Variants in LRRC4C observed in about 807,000 individuals in gnomAD.
LRRC4C encodes leucine-rich repeat-containing protein 4C.
In LRRC4C, 5 loss-of-function variants were observed where a neutral mutation model predicts 33.6. The observed-to-expected ratio is 0.15, with a 90% confidence interval of 0.08 to 0.31. The LOEUF is 0.31. Ranked by LOEUF, LRRC4C falls within the 10% of genes least tolerant of loss-of-function variation. The pLI is 1.00. For synonymous variants in LRRC4C, 329 were observed against 302.0 expected (o/e 1.09, Z -0.93); for missense variants, 560 against 796.7 (o/e 0.70, Z 3.58).
chr11:41,322,489 C>T (rs1305920966), intron 1 of LRRC4C, among the ~76,000 whole-genome samples: 1 of 151,906 alleles, frequency 6.6e-6, no homozygotes, highest in African/African-American at 2.4e-5. Flanking sequence ...AATAGTTTCC[C>T]TGTGGAGAAA....
At chr11:40,735,572 G>T (rs1489890101) in intron 2 of LRRC4C, among the ~76,000 whole-genome samples, 1 of 140,150 alleles carries the variant, frequency 7.1e-6, no homozygotes, top group East Asian at 2.0e-4. Context: ...TGGACATTTG[G>T]CTTGGTTCCA....
At chr11:41,438,144 GA>G (rs539412296) in intron 1 of LRRC4C, among the ~76,000 whole-genome samples, 2 of 151,836 alleles carry the variant, frequency 1.3e-5, no homozygotes, top group African/African-American at 4.8e-5. Flanking sequence ...AATGGATGAA[GA>G]AAAAAAGAGA....
intron 1 of LRRC4C, among the ~76,000 whole-genome samples, chr11:41,138,963 G>A (rs1016134072): frequency 6.6e-6 from 1 of 152,096 alleles, no homozygotes; most frequent in African/African-American, 2.4e-5. Context: ...TAAAAGCCAT[G>A]TTATGTGTAA....
intron 5 of LRRC4C, among the ~76,000 whole-genome samples, chr11:40,203,443 C>T (rs1170207236): frequency 6.6e-6 from 1 of 152,110 alleles, no homozygotes; most frequent in Non-Finnish European, 1.5e-5. Flanking sequence ...ACCTTTCTTC[C>T]ATTCAAATGC....
At chr11:41,454,669 GAAAAGGGTACTTAGGC>G (rs2138675300) in intron 1 of LRRC4C, among the ~76,000 whole-genome samples, 1 of 152,258 alleles carries the variant, frequency 6.6e-6, no homozygotes, top group South Asian at 2.1e-4. Context: ...AATGACATCT[GAAAAGGGTACTTAGGC>G]TGCTCCAGAA....
chr11:41,278,595 TG>T (rs1234173050), intron 1 of LRRC4C, among the ~76,000 whole-genome samples: 1 of 152,248 alleles, frequency 6.6e-6, no homozygotes, highest in African/African-American at 2.4e-5. Flanking sequence ...GACAGATTGC[TG>T]GGCCTCGCCC....
intron 1 of LRRC4C, among the ~76,000 whole-genome samples, chr11:40,975,656 G>T (rs1288015521): frequency 6.6e-6 from 1 of 152,122 alleles, no homozygotes; most frequent in African/African-American, 2.4e-5. Context: ...TTTTTAATCT[G>T]TTCACAGAGG....
intron 1 of LRRC4C, among the ~76,000 whole-genome samples, chr11:40,964,762 G>A (rs201387726): frequency 0.25 from 38,046 of 150,046 alleles, 4,443 homozygotes; most frequent in Middle Eastern, 0.31. Flanking sequence ...TCTTAATCCA[G>A]TCTATCATTG....
chr11:40,158,802 T>C (rs375789893), intron 5 of LRRC4C, among the ~76,000 whole-genome samples: 30 of 152,292 alleles, frequency 2.0e-4, no homozygotes, highest in African/African-American at 6.7e-4. Context: ...TCTAGTCTTA[T>C]GTTGGGTTTG....
At chr11:41,197,190 A>G (rs989514625) in intron 1 of LRRC4C, among the ~76,000 whole-genome samples, 8 of 152,082 alleles carry the variant, frequency 5.3e-5, no homozygotes, top group African/African-American at 1.7e-4. Context: ...CAGTGGATTC[A>G]TCCACAGATC....
intron 1 of LRRC4C, among the ~76,000 whole-genome samples, chr11:41,386,617 C>T (rs1232484526): frequency 3.3e-5 from 5 of 151,720 alleles, no homozygotes; most frequent in African/African-American, 9.7e-5. Context: ...ATCAAGTGTA[C>T]ATTCATTGTG....
At chr11:41,342,485 G>T (rs1013515220) in intron 1 of LRRC4C, among the ~76,000 whole-genome samples, 8 of 152,116 alleles carry the variant, frequency 5.3e-5, no homozygotes, top group African/African-American at 1.9e-4. Flanking sequence ...GAGGCTGAGG[G>T]GGGTGGACCA....
rs148295678 is a variant in LRRC4C at position 40,429,721 on chromosome 11, G to C, written c.-269-110000C>G. Reference sequence around the variant, plus strand: ...AATACATATTTAGAAAAAGTAATCTGATCCAAATTTTAAAGATAAGAAAAA... The same window carrying C: ...AATACATATTTAGAAAAAGTAATCTCATCCAAATTTTAAAGATAAGAAAAA... On this transcript the variant is annotated intron_variant, in intron 3 of 6. Coordinates refer to ENST00000528697, the MANE Select transcript of LRRC4C (RefSeq NM_001258419.2). Among the ~76,000 whole-genome samples, 304 of 152,196 alleles carry C rather than the reference G, an allele frequency of 2.0e-3. 1 individual carries two copies. The highest frequency in any genetic ancestry group is 7.0e-3 in the African/African-American group (292 of 41,538).
intron 3 of LRRC4C, among the ~76,000 whole-genome samples, chr11:40,375,266 G>A (rs1041183339): frequency 6.6e-6 from 1 of 152,172 alleles, no homozygotes; most frequent in African/African-American, 2.4e-5. Context: ...TAATTAGACT[G>A]AAGTGGCCTT....
chr11:41,277,585 A>G (rs762751292), intron 1 of LRRC4C, among the ~76,000 whole-genome samples: 2 of 152,144 alleles, frequency 1.3e-5, no homozygotes, highest in African/African-American at 4.8e-5. Flanking sequence ...TCACAGACAG[A>G]CAGCATAAAG....
intron 1 of LRRC4C, among the ~76,000 whole-genome samples, chr11:41,156,975 A>T (rs1944259706): frequency 6.6e-6 from 1 of 151,990 alleles, no homozygotes; most frequent in Non-Finnish European, 1.5e-5. Context: ...GCTGCTATAA[A>T]AGGGATTGGA....
intron 1 of LRRC4C, among the ~76,000 whole-genome samples, chr11:41,344,193 C>T (rs1291867643): frequency 6.6e-6 from 1 of 151,804 alleles, no homozygotes; most frequent in African/African-American, 2.4e-5. Context: ...TTTCCCAATA[C>T]CAATTCACTC....
At chr11:40,892,867 T>C (rs916307496) in intron 2 of LRRC4C, among the ~76,000 whole-genome samples, 3 of 152,158 alleles carry the variant, frequency 2.0e-5, no homozygotes, top group Non-Finnish European at 2.9e-5. Context: ...ATAGTAGTGG[T>C]TGTTACACAA....
At chr11:40,686,538 T>C (rs1039790371) in intron 2 of LRRC4C, among the ~76,000 whole-genome samples, 2 of 151,916 alleles carry the variant, frequency 1.3e-5, no homozygotes, top group African/African-American at 4.8e-5. Context: ...TCTCAGGTGA[T>C]TCTCTAATAG....
Sources: allele counts gnomAD v4.1 joint callset (sites outside exome capture counted in the v4.1 genomes callset), GRCh38; gene constraint gnomAD v4.1.1; transcripts MANE v1.5; gene names NCBI Gene and HGNC (gene_info 2026-07-23, HGNC 2026-07-21).